RPS6KC1: variants seen among roughly 807,000 people sequenced by gnomAD.
The protein encoded by RPS6KC1 is ribosomal protein S6 kinase C1.
Under a neutral mutation model 103.8 loss-of-function variants are expected in RPS6KC1, and 54 were observed. That is an observed-to-expected ratio of 0.52 (90% CI 0.42 to 0.65). The LOEUF (loss-of-function observed/expected upper bound fraction) is 0.65. Among genes scored for constraint, RPS6KC1 ranks in the 30% least tolerant of loss-of-function variants. The pLI is 0.00. For synonymous variants in RPS6KC1, 439 were observed against 438.7 expected (o/e 1.00, Z -0.01); for missense variants, 1,151 against 1,253.8 (o/e 0.92, Z 1.24).
At chr1:213,167,717 C>G (rs2091113668) in intron 6 of RPS6KC1, 141 bp from the exon 7 acceptor site, 3 of 479,596 alleles carry the variant, frequency 6.3e-6, no homozygotes, top group Non-Finnish European at 1.1e-5. Context: ...ATACTAATAA[C>G]TTTCATGTCT....
Position 213,185,781 on chromosome 1 carries a change from G to A in RPS6KC1, c.1044+9289G>A, listed in dbSNP as rs190206271. Reference sequence around the variant, plus strand: ...TTTTGACACTCCTGTCTTTTTTCTTGTCTTCCTTTGTGGTTCTGTCTGTCT... The same window carrying A: ...TTTTGACACTCCTGTCTTTTTTCTTATCTTCCTTTGTGGTTCTGTCTGTCT... On this transcript the variant is annotated intron_variant, in intron 8 of 14. Transcript: ENST00000366960. Among the ~76,000 whole-genome samples, 144 of 125,870 alleles carry A rather than the reference G, an allele frequency of 1.1e-3. 1 individual carries two copies. The highest frequency in any genetic ancestry group is 7.9e-3 in the Middle Eastern group (2 of 252). The allele number at this position is 125,870 out of a possible 152,430, so 82.6% of individuals were successfully genotyped here.
chr1:213,659,731 A>G, the RPS6KC1 span, among the ~76,000 whole-genome samples: 2 of 151,970 alleles, frequency 1.3e-5, no homozygotes, highest in African/African-American at 2.4e-5. Context: ...AACAATAATT[A>G]TGTGTAAATA....
the RPS6KC1 span, among the ~76,000 whole-genome samples, chr1:213,856,294 C>G: frequency 6.6e-6 from 1 of 152,170 alleles, no homozygotes; most frequent in East Asian, 1.9e-4. Context: ...TATGGGACTT[C>G]TAATGAAGAG....
At chr1:213,604,732 A>G in the RPS6KC1 span, among the ~76,000 whole-genome samples, 2 of 152,164 alleles carry the variant, frequency 1.3e-5, no homozygotes, top group African/African-American at 2.4e-5. Flanking sequence ...GCCTGGCTCC[A>G]TTCCTGTAGA....
intron 7 of RPS6KC1, among the ~76,000 whole-genome samples, chr1:213,171,547 A>G (rs968387178): frequency 6.6e-6 from 1 of 152,188 alleles, no homozygotes; most frequent in African/African-American, 2.4e-5. Context: ...TGTAGTTTCT[A>G]AAGTGTGAAT....
the RPS6KC1 span, among the ~76,000 whole-genome samples, chr1:213,767,194 C>G: frequency 6.6e-6 from 1 of 152,176 alleles, no homozygotes; most frequent in Admixed American, 6.5e-5. Flanking sequence ...CAAGAAACAA[C>G]CCTGGTCAAA....
chr1:213,179,599 G>A (rs569128224), intron 8 of RPS6KC1, among the ~76,000 whole-genome samples: 21 of 152,272 alleles, frequency 1.4e-4, no homozygotes, highest in African/African-American at 4.3e-4. Flanking sequence ...TATTGATCTA[G>A]TCCTACAGAA....
At chr1:213,104,699 T>A (rs2082311735) in intron 4 of RPS6KC1, 130 bp downstream of exon 4, 1 of 483,756 alleles carries the variant, frequency 2.1e-6, no homozygotes, top group African/African-American at 2.0e-5. Context: ...AGCTCTATAA[T>A]AATGTTTATG....
At chr1:213,441,972 A>G in the RPS6KC1 span, among the ~76,000 whole-genome samples, 1 of 152,228 alleles carries the variant, frequency 6.6e-6, no homozygotes, top group Non-Finnish European at 1.5e-5. Flanking sequence ...TTATACAGTT[A>G]TAAACTTTCA....
chr1:213,441,810 G>C, the RPS6KC1 span, among the ~76,000 whole-genome samples: 3 of 152,170 alleles, frequency 2.0e-5, no homozygotes, highest in African/African-American at 7.2e-5. Context: ...ATCTGTTATA[G>C]AGTATTATAC....
chr1:213,239,387 C>T (rs1158182801), intron 10 of RPS6KC1, among the ~76,000 whole-genome samples: 1 of 151,862 alleles, frequency 6.6e-6, no homozygotes, highest in Admixed American at 6.6e-5. Flanking sequence ...AACTAGATCG[C>T]TGCTACAAAG....
chr1:213,329,569 A>G, the RPS6KC1 span, among the ~76,000 whole-genome samples: 1 of 128,860 alleles, frequency 7.8e-6, no homozygotes, highest in Non-Finnish European at 1.5e-5. Context: ...CTGATTATTC[A>G]GTTGATTTTT....
the RPS6KC1 span, among the ~76,000 whole-genome samples, chr1:213,617,160 T>C: frequency 6.6e-6 from 1 of 152,162 alleles, no homozygotes; most frequent in African/African-American, 2.4e-5. Flanking sequence ...AAGTTCACTG[T>C]TTCTGGGAGT....
At chr1:213,502,909 T>C in the RPS6KC1 span, among the ~76,000 whole-genome samples, 1 of 147,986 alleles carries the variant, frequency 6.8e-6, no homozygotes, top group Non-Finnish European at 1.5e-5. Flanking sequence ...AAAGTATGGG[T>C]TGAAACTGGA....
At chr1:213,244,427 G>A (rs1160905181) in intron 12 of RPS6KC1, among the ~76,000 whole-genome samples, 1 of 152,014 alleles carries the variant, frequency 6.6e-6, no homozygotes, top group Non-Finnish European at 1.5e-5. Context: ...TTTAATATTT[G>A]TAAGTAGTTT....
the RPS6KC1 span, among the ~76,000 whole-genome samples, chr1:213,829,990 C>G: frequency 6.6e-6 from 1 of 152,214 alleles, no homozygotes; most frequent in Non-Finnish European, 1.5e-5. Flanking sequence ...ACTTTGCATA[C>G]ATTTTCAGCT....
At chr1:213,118,792 T>G (rs77689818) in intron 5 of RPS6KC1, among the ~76,000 whole-genome samples, 2 of 152,136 alleles carry the variant, frequency 1.3e-5, no homozygotes, top group Non-Finnish European at 2.9e-5. Context: ...GGGTCTTCAC[T>G]GAGTTCTCAG....
At chr1:213,329,312 G>A in the RPS6KC1 span, among the ~76,000 whole-genome samples, 1 of 152,318 alleles carries the variant, frequency 6.6e-6, no homozygotes, top group African/African-American at 2.4e-5. Flanking sequence ...GGGAAGTGGA[G>A]TAGGGTGCAG....
At chr1:213,226,079 T>C (rs1239856206) in intron 8 of RPS6KC1, among the ~76,000 whole-genome samples, 5 of 151,850 alleles carry the variant, frequency 3.3e-5, no homozygotes, top group Non-Finnish European at 7.4e-5. Flanking sequence ...AAAAATTAGC[T>C]GGGTGTGGTG....
Sources: gnomAD v4.1 joint callset for allele counts (sites outside exome capture counted in the v4.1 genomes callset) on GRCh38, gnomAD v4.1.1 for gene constraint, MANE v1.5 for transcripts, NCBI Gene and HGNC (gene_info 2026-07-23, HGNC 2026-07-21) for gene names.